The following PLCH2 variants were observed in gnomAD, a reference collection of about 807,000 sequenced individuals.
The protein encoded by PLCH2 is phospholipase C eta 2.
Under a neutral mutation model 134.7 loss-of-function variants are expected in PLCH2, and 98 were observed. That is an observed-to-expected ratio of 0.73 (90% CI 0.62 to 0.86). PLCH2 has a LOEUF of 0.86. Ranked by LOEUF, PLCH2 falls within the 40% of genes least tolerant of loss-of-function variation. PLCH2 has a pLI of 0.00. For missense variants in PLCH2, 1,994 were observed against 1,986.6 expected (o/e 1.00, Z -0.07); for synonymous variants, 974 against 827.5 (o/e 1.18, Z -3.04).
chr1:2,440,103 C>T (rs561062039), intron 2 of PLCH2, among the ~76,000 whole-genome samples: 3 of 152,268 alleles, frequency 2.0e-5, no homozygotes, highest in Admixed American at 2.0e-4. Context: ...GCAGCTGCAG[C>T]CAGTCCACAG....
the PLCH2 span, among the ~76,000 whole-genome samples, chr1:2,419,059 G>A: frequency 2.0e-5 from 3 of 152,126 alleles, no homozygotes; most frequent in Non-Finnish European, 4.4e-5. Context: ...TCCTCTGGCT[G>A]GGGCATGTGA....
Position 2,439,809 on chromosome 1 carries a change from T to C in PLCH2, c.115+9180T>C, listed in dbSNP as rs2100520809. Among the ~76,000 whole-genome samples the C allele has an allele frequency of 6.6e-6, 1 of 152,184 alleles. No homozygotes were observed. Among genetic ancestry groups the C allele is most frequent in the South Asian group, 2.1e-4 (1 of 4,814 alleles). On this transcript the variant is annotated intron_variant, in intron 2 of 3. Transcript: ENST00000609981. This position sits in a 1 kb window ranked among gnomAD's most constrained non-coding sequence, Gnocchi z 4.7. ...TTCTCCACTGAGGAAAGGCATTGCC[T>C]GAGAGACACCGCAGCCAGGCCTGGC... is the stretch of plus-strand genomic sequence containing the variant.
intron 5 of PLCH2, among the ~76,000 whole-genome samples, chr1:2,485,902 G>A (rs1221750402): frequency 2.0e-5 from 3 of 152,124 alleles, no homozygotes; most frequent in Non-Finnish European, 4.4e-5. Flanking sequence ...CTGAGCTCCC[G>A]GGATGCCCCC....
the PLCH2 span, among the ~76,000 whole-genome samples, chr1:2,416,925 T>TG: frequency 1.3e-5 from 2 of 151,900 alleles, no homozygotes; most frequent in Non-Finnish European, 2.9e-5. Flanking sequence ...AGAGCCAGCC[T>TG]GGGGGGGCCC....
intron 2 of PLCH2, 55 bp downstream of exon 2, chr1:2,478,677 G>A: frequency 6.6e-7 from 1 of 1,525,744 alleles, no homozygotes; most frequent in East Asian, 2.4e-5. Context: ...GGACACGACG[G>A]TAGGGACCCT....
chr1:2,473,432 G>A (rs540018916), upstream of PLCH2, among the ~76,000 whole-genome samples: 11 of 152,332 alleles, frequency 7.2e-5, no homozygotes, highest in South Asian at 8.3e-4. Context: ...GTGCAGCCCC[G>A]TCTGCCCGTC....
chr1:2,435,930 C>T (rs1174569120), intron 2 of PLCH2, among the ~76,000 whole-genome samples: 1 of 151,404 alleles, frequency 6.6e-6, no homozygotes. Context: ...AGTGAGGGCC[C>T]CTCCTCCCTT....
intron 2 of PLCH2, among the ~76,000 whole-genome samples, chr1:2,436,799 T>C (rs944579860): frequency 6.6e-6 from 1 of 152,186 alleles, no homozygotes; most frequent in African/African-American, 2.4e-5. Context: ...GCACTGTGGC[T>C]CCTGGAGTCT....
intron 19 of PLCH2, 103 bp from the exon 20 acceptor site, chr1:2,499,538 G>A (rs559247732): frequency 1.1e-6 from 1 of 885,378 alleles, no homozygotes; most frequent in Non-Finnish European, 1.8e-6. Context: ...GGCTTGTTGG[G>A]TGTATCTGGG....
chr1:2,502,615 G>C, intron 21 of PLCH2: 1 of 693,066 alleles, frequency 1.4e-6, no homozygotes, highest in Non-Finnish European at 2.6e-6. Context: ...TTCGCCAGCA[G>C]CCCCGGGCCC....
Position 2,485,839 on chromosome 1 carries a change from C to T in PLCH2, c.817-1068C>T, listed in dbSNP as rs558037648. Among the ~76,000 whole-genome samples, 204 of 152,282 alleles carry T rather than the reference C, an allele frequency of 1.3e-3. 2 individuals are homozygous for T. The highest frequency in any genetic ancestry group is 2.1e-3 in the Non-Finnish European group (142 of 67,992). ...TACCCAGGATCTCCCAGCAGTACCC[C>T]ACCCCCAAGCTTACCACAAACCCAG... is the stretch of plus-strand genomic sequence containing the variant. On this transcript the variant is annotated intron_variant, in intron 5 of 21. Transcript: ENST00000378486.
chr1:2,466,481 C>T (rs998079934), upstream of PLCH2, among the ~76,000 whole-genome samples: 4 of 152,206 alleles, frequency 2.6e-5, no homozygotes, highest in African/African-American at 9.6e-5. Context: ...GGCTCCCCTC[C>T]CCCTCCACAC....
chr1:2,493,859 G>A (rs1642727246), intron 11 of PLCH2: 1 of 153,452 alleles, frequency 6.5e-6, no homozygotes, highest in Non-Finnish European at 1.5e-5. Context: ...AGTGTCTGTG[G>A]TCATGAGAGC....
chr1:2,473,977 G>A (rs541431857), upstream of PLCH2, among the ~76,000 whole-genome samples: 11 of 152,356 alleles, frequency 7.2e-5, no homozygotes, highest in South Asian at 2.3e-3. Context: ...GGGTGGGTGT[G>A]GACCATGGCT....
At chr1:2,428,951 G>C (rs2100476932) in intron 1 of PLCH2, among the ~76,000 whole-genome samples, 1 of 152,220 alleles carries the variant, frequency 6.6e-6, no homozygotes, top group Admixed American at 6.5e-5. Flanking sequence ...GGGGCCCCGG[G>C]GTGGGTGGTG....
chr1:2,436,702 G>A (rs1373801469), intron 2 of PLCH2, among the ~76,000 whole-genome samples: 1 of 152,218 alleles, frequency 6.6e-6, no homozygotes, highest in Non-Finnish European at 1.5e-5. Context: ...AGGCTGTGCT[G>A]GCAGGCATGG....
chr1:2,499,161 T>C lies in PLCH2; in HGVS notation c.2512T>C (p.Trp838Arg). Reference protein sequence around the residue: ...PEIALVRFLVWDHDPIGRDFI... With the variant: ...PEIALVRFLVRDHDPIGRDFI... Reference sequence around the variant, plus strand: ...GATCGCGCTGGTCCGCTTCCTCGTCTGGGACCACGATCCCATCGGGCGTGA... The same window carrying C: ...GATCGCGCTGGTCCGCTTCCTCGTCCGGGACCACGATCCCATCGGGCGTGA... Residue 838 changes from tryptophan to arginine, a missense_variant, in exon 19 of 22, where the codon TGG becomes CGG. This residue lies in a region of PLCH2 where 1,094 missense variants were observed against 1,234.3 expected (regional missense o/e 0.89). Coordinates refer to ENST00000378486, the MANE Select transcript of PLCH2 (RefSeq NM_014638.4). The C allele has an allele frequency of 6.2e-7, 1 of 1,613,186 alleles. No individual in the cohort carries two copies. The highest frequency in any genetic ancestry group is 8.5e-7 in the Non-Finnish European group (1 of 1,179,778).
Position 2,504,509 on chromosome 1 carries a change from A to C in PLCH2, c.3547A>C (p.Arg1183=), listed in dbSNP as rs758101223. The change falls in exon 22 of 22, where the codon AGG becomes CGG. Residue 1183 remains arginine, a synonymous_variant. Transcript: ENST00000378486. The part of the protein sequence containing the change: ...AGAHMGRLPP[R]PHSASAARPD... ...AGCCCACATGGGACGCCTGCCCCCCAGGCCCCACTCGGCTTCGGCTGCCCG... is the reference window on the plus strand; with the variant it reads ...AGCCCACATGGGACGCCTGCCCCCCCGGCCCCACTCGGCTTCGGCTGCCCG... 26 of 1,612,182 alleles carry C rather than the reference A, an allele frequency of 1.6e-5. No individual in the cohort carries two copies. The highest frequency in any genetic ancestry group is 4.0e-5 in the African/African-American group (3 of 74,858).
exon 1 of PLCH2, chr1:2,467,606 G>A: frequency 2.4e-6 from 1 of 410,758 alleles, no homozygotes; most frequent in South Asian, 8.1e-5. Flanking sequence ...AACTGGGATT[G>A]GCACCCGCCG....
Sources: gnomAD v4.1 joint callset for allele counts (sites outside exome capture counted in the v4.1 genomes callset) on GRCh38, gnomAD v4.1.1 for gene constraint, gnomAD v4.1.1 regional missense constraint, Gnocchi (gnomAD v3.1) non-coding constraint, MANE v1.5 for transcripts, NCBI Gene and HGNC (gene_info 2026-07-23, HGNC 2026-07-21) for gene names.